Variants in IL7 observed in about 807,000 individuals in gnomAD.
IL7 encodes interleukin-7.
In IL7, 3 loss-of-function variants were observed where a neutral mutation model predicts 21.6. The ratio of observed to expected loss-of-function variants is 0.14; its 90% CI spans 0.06 to 0.36. IL7 has a LOEUF of 0.36. Ranked by LOEUF, IL7 falls within the 10% of genes least tolerant of loss-of-function variation. IL7 has a pLI of 1.00. For synonymous variants in IL7, 62 were observed against 68.1 expected (o/e 0.91, Z 0.44); for missense variants, 175 against 200.2 (o/e 0.87, Z 0.76).
At chr8:78,740,662 CTAAT>C (rs773408249) in intron 2 of IL7, among the ~76,000 whole-genome samples, 3 of 152,132 alleles carry the variant, frequency 2.0e-5, no homozygotes, top group Non-Finnish European at 2.9e-5. Context: ...ACAGTCACAA[CTAAT>C]TAATTGGATG....
At chr8:78,717,298 T>C (rs917145924), downstream of IL7, 5 of 1,594,188 alleles carry the variant, frequency 3.1e-6, no homozygotes, top group Non-Finnish European at 4.3e-6. Flanking sequence ...ATACAAACTT[T>C]ATCTTTTCAT....
chr8:78,696,043 C>CTT (rs1022267808), intron 3 of IL7, among the ~76,000 whole-genome samples: 1 of 148,588 alleles, frequency 6.7e-6, no homozygotes, highest in Non-Finnish European at 1.5e-5. Flanking sequence ...ATTTTTCTTT[C>CTT]TTTTTTTTTT....
intron 2 of IL7, among the ~76,000 whole-genome samples, chr8:78,791,810 T>C (rs1031952991): frequency 1.1e-4 from 17 of 152,122 alleles, no homozygotes; most frequent in African/African-American, 4.1e-4. Context: ...CTTCTGTCCA[T>C]GCCACTCACT....
At chr8:78,797,995 A>T in intron 2 of IL7, 77 bp downstream of exon 2, 1 of 1,131,080 alleles carries the variant, frequency 8.8e-7, no homozygotes, top group Non-Finnish European at 1.3e-6. Flanking sequence ...TGAATACTTG[A>T]TTATAAAACT....
intron 2 of IL7, among the ~76,000 whole-genome samples, chr8:78,758,138 T>C (rs1241197424): frequency 1.3e-5 from 2 of 152,124 alleles, no homozygotes; most frequent in East Asian, 1.9e-4. Context: ...GACAGACTAA[T>C]ATAGTGTCTT....
At chr8:78,717,473 A>C, downstream of IL7, 1 of 1,580,800 alleles carries the variant, frequency 6.3e-7, no homozygotes, top group Non-Finnish European at 8.6e-7. Flanking sequence ...TGAATGTGGC[A>C]TTCGAAGAAT....
chr8:78,715,962 C>T (rs1231312350), downstream of IL7, among the ~76,000 whole-genome samples: 1 of 149,392 alleles, frequency 6.7e-6, no homozygotes, highest in Non-Finnish European at 1.5e-5. Flanking sequence ...ATTGCTTGAA[C>T]CTGGGAGGCA....
chr8:78,761,388 G>T, intron 2 of IL7: 2 of 1,611,340 alleles, frequency 1.2e-6, no homozygotes, highest in Non-Finnish European at 1.7e-6. Flanking sequence ...TTCTCTAAAA[G>T]TCTAGAAGCA....
chr8:78,799,369 A>G (rs1366807468), intron 1 of IL7, among the ~76,000 whole-genome samples: 2 of 152,166 alleles, frequency 1.3e-5, no homozygotes, highest in East Asian at 1.9e-4. Flanking sequence ...ACACCTCCCA[A>G]TAAATCAAGT....
chr8:78,718,402 GAATA>G (rs1404944528), intron 6 of IL7: 2 of 151,860 alleles, frequency 1.3e-5, no homozygotes, highest in African/African-American at 4.8e-5. Flanking sequence ...TCTGAATTTA[GAATA>G]AATCATTTTA....
At chr8:78,759,608 T>G (rs978338190) in intron 2 of IL7, among the ~76,000 whole-genome samples, 2 of 151,842 alleles carry the variant, frequency 1.3e-5, no homozygotes, top group African/African-American at 4.8e-5. Flanking sequence ...ATTTGTTTCT[T>G]TAAGTTTGAG....
chr8:78,750,549 C>T (rs1164573449), intron 2 of IL7, among the ~76,000 whole-genome samples: 2 of 152,152 alleles, frequency 1.3e-5, no homozygotes, highest in South Asian at 2.1e-4. Context: ...TGAGGCCAGG[C>T]GTGGTGGCTC....
At chr8:78,760,006 C>T (rs1459981032) in intron 2 of IL7, 9 of 490,616 alleles carry the variant, frequency 1.8e-5, no homozygotes, top group Admixed American at 8.5e-5. Flanking sequence ...GCCATTTAAA[C>T]AGGTAGATTA....
downstream of IL7, among the ~76,000 whole-genome samples, chr8:78,731,645 G>C (rs1280140260): frequency 6.6e-6 from 1 of 151,774 alleles, no homozygotes; most frequent in African/African-American, 2.4e-5. Flanking sequence ...TGTTTATTGA[G>C]ATAAATCTCT....
intron 4 of IL7, among the ~76,000 whole-genome samples, chr8:78,681,527 T>G (rs1332250985): frequency 6.6e-6 from 1 of 152,176 alleles, no homozygotes; most frequent in African/African-American, 2.4e-5. Flanking sequence ...ATAATGTCAT[T>G]CTTTTTGTCA....
At position 78,804,915 on chromosome 8, in the gene IL7, T is replaced by A. The variant is rs574974793; in HGVS notation, c.8A>T (p.His3Leu). ...GCGCAAGGGAGAAGAGCGCTTACCA[T>A]GGAACATGGTCTGCGGGAGGCGGGC... MF[H>L]VSFRYIFGLP... The change falls in exon 1 of 6, where the codon CAT becomes CTT. Residue 3 changes from histidine to leucine, a missense_variant and splice_region_variant. His to Leu is a moderately conservative substitution (Grantham distance 99, BLOSUM62 -3). Coordinates refer to ENST00000263851, the MANE Select transcript of IL7 (RefSeq NM_000880.4). 6.2e-7 allele frequency: 1 copy of A among 1,612,926 alleles called. No homozygotes were observed. The highest frequency in any genetic ancestry group is 1.7e-5 in the Admixed American group (1 of 59,930).
chr8:78,787,298 G>C (rs937777811), intron 2 of IL7, among the ~76,000 whole-genome samples: 2 of 152,078 alleles, frequency 1.3e-5, no homozygotes, highest in African/African-American at 4.8e-5. Context: ...CATGAAGACA[G>C]CCTCAACCTG....
At chr8:78,681,901 CTT>C (rs56181953) in intron 4 of IL7, among the ~76,000 whole-genome samples, 34 of 126,466 alleles carry the variant, frequency 2.7e-4, no homozygotes, top group Non-Finnish European at 3.6e-4. Flanking sequence ...CTTTTTCTTT[CTT>C]TTTTTTTTTT....
chr8:78,740,004 T>G lies in IL7; in HGVS notation c.226A>C (p.Lys76Gln), dbSNP rs940526972. ...FFKRHICDAN[K>Q]EGMFLFRAAR... ...AAACTCCAAATAATTATCATTACCT[T>G]ATTAGCATCACAGATATGTCTTTTA... The change falls in exon 3 of 6, where the codon AAG becomes CAG. Residue 76 changes from lysine to glutamine, a missense_variant and splice_region_variant. Transcript: ENST00000263851. The G allele has an allele frequency of 1.4e-5, 22 of 1,525,596 alleles. No homozygotes were observed. Among genetic ancestry groups the G allele is most frequent in the Non-Finnish European group, 1.9e-5 (22 of 1,145,128 alleles). 94.5% of individuals were successfully genotyped at this position (1,525,596 alleles called of 1,614,324 possible).
Sources: gnomAD v4.1 joint callset for allele counts (sites outside exome capture counted in the v4.1 genomes callset) on GRCh38, gnomAD v4.1.1 for gene constraint, MANE v1.5 for transcripts, NCBI Gene and HGNC (gene_info 2026-07-23, HGNC 2026-07-21) for gene names.